Variants in TTF1 observed in about 807,000 individuals in gnomAD.
The protein encoded by TTF1 is transcription termination factor, RNA polymerase I.
A neutral mutation model predicts 80.2 loss-of-function variants in TTF1; 64 were observed. The observed-to-expected ratio is 0.80, with a 90% CI of 0.65 to 0.98. The LOEUF (loss-of-function observed/expected upper bound fraction) is 0.98. TTF1 is among the 50% of genes least tolerant of loss of function. The probability of loss-of-function intolerance (pLI) is 0.00; values close to 1 mark genes in which losing one functional copy is unlikely to be tolerated. For missense variants in TTF1, 1,023 were observed against 1,086.2 expected, an observed-to-expected ratio of 0.94 and a Z score of 0.82; for synonymous variants, 372 against 382.7, an observed-to-expected ratio of 0.97 and a Z score of 0.33.
At chr9:132,383,132 C>T (rs1849400191) in intron 9 of TTF1, among the ~76,000 whole-genome samples, 1 of 151,242 alleles carries the variant, frequency 6.6e-6, no homozygotes, top group Non-Finnish European at 1.5e-5. Context: ...CCTCTAATTC[C>T]AGCTATTTAG....
intron 3 of TTF1, among the ~76,000 whole-genome samples, chr9:132,399,394 ACTCCT>A (rs1347778238): frequency 6.6e-6 from 1 of 151,724 alleles, no homozygotes; most frequent in Non-Finnish European, 1.5e-5. Context: ...GAAGGTTATG[ACTCCT>A]CTTTTTACTT....
At chr9:132,389,425 C>T (rs576944584) in intron 7 of TTF1, among the ~76,000 whole-genome samples, 1 of 152,166 alleles carries the variant, frequency 6.6e-6, no homozygotes, top group Non-Finnish European at 1.5e-5. Flanking sequence ...TTGTAATCCA[C>T]CTGCCTCAGC....
intron 1 of TTF1, among the ~76,000 whole-genome samples, chr9:132,405,186 AT>A (rs1433820069): frequency 6.7e-6 from 1 of 149,018 alleles, no homozygotes; most frequent in East Asian, 2.0e-4. Context: ...CCACTGGCTG[AT>A]TTCTTTTCTT....
chr9:132,376,624 G>A (rs1158633139), intron 10 of TTF1, among the ~76,000 whole-genome samples: 1 of 151,724 alleles, frequency 6.6e-6, no homozygotes, highest in African/African-American at 2.4e-5. Flanking sequence ...ACTAGGAATT[G>A]GTACGTAGGT....
chr9:132,378,091 G>GGTGC (rs1849267785), intron 10 of TTF1, among the ~76,000 whole-genome samples: 2 of 106,456 alleles, frequency 1.9e-5, no homozygotes, highest in Non-Finnish European at 1.9e-5. Context: ...GAGTGCATGT[G>GGTGC]GTGTGAGTGC....
At chr9:132,404,826 T>C (rs1396113803) in intron 1 of TTF1, among the ~76,000 whole-genome samples, 1 of 152,192 alleles carries the variant, frequency 6.6e-6, no homozygotes, top group Non-Finnish European at 1.5e-5. Context: ...CAGACACTTT[T>C]CAGGCCCATC....
chr9:132,406,441 A>C (rs1849868814), intron 1 of TTF1, among the ~76,000 whole-genome samples: 1 of 152,032 alleles, frequency 6.6e-6, no homozygotes, highest in Admixed American at 6.6e-5. Context: ...GTCTCTACTA[A>C]AAATACAAAA....
At chr9:132,377,441 ATGCATGTGGTGTGTGTGAG>A (rs1564181077) in intron 10 of TTF1, among the ~76,000 whole-genome samples, 23 of 60,608 alleles carry the variant, frequency 3.8e-4, no homozygotes, top group African/African-American at 1.5e-3. Flanking sequence ...GTGTGAGTGC[ATGCATGTGGTGTGTGTGAG>A]TGCATGTGGT....
At chr9:132,381,615 C>T (rs2131623846) in intron 9 of TTF1, among the ~76,000 whole-genome samples, 1 of 152,310 alleles carries the variant, frequency 6.6e-6, no homozygotes, top group South Asian at 2.1e-4. Flanking sequence ...TGGCACCCTC[C>T]CTGCTTGGGG....
intron 9 of TTF1, among the ~76,000 whole-genome samples, chr9:132,381,902 G>A (rs1192626654): frequency 2.0e-5 from 3 of 152,216 alleles, no homozygotes; most frequent in African/African-American, 2.4e-5. Context: ...GACCAATGGC[G>A]ACCTCACACC....
At chr9:132,388,623 G>A (rs1375099837) in intron 7 of TTF1, among the ~76,000 whole-genome samples, 1 of 152,182 alleles carries the variant, frequency 6.6e-6, no homozygotes, top group East Asian at 1.9e-4. Context: ...TTACAGACAT[G>A]AGCCACAGTA....
intron 9 of TTF1, among the ~76,000 whole-genome samples, chr9:132,381,197 A>AT (rs1185241585): frequency 0.012 from 1,739 of 145,198 alleles, 19 homozygotes; most frequent in African/African-American, 0.029. Flanking sequence ...GAAAAGCTGA[A>AT]TTTTTTTTTT....
At position 132,400,143 on chromosome 9, in the gene TTF1, C is replaced by T. The variant is rs145243204; in HGVS notation, c.1483G>A (p.Val495Met). The T allele has an allele frequency of 1.1e-5, 17 of 1,614,014 alleles. No individual in the cohort carries two copies. The highest frequency in any genetic ancestry group is 4.0e-5 in the African/African-American group (3 of 74,904). The change falls in exon 3 of 11, where the codon GTG (valine) becomes ATG (methionine). Residue 495 changes from valine (V) to methionine (M), a missense_variant. Coordinates refer to ENST00000334270, the MANE Select transcript of TTF1 (RefSeq NM_007344.4). ...GGAATGAACTCCTGAAGCTGTTTCA[C>T]GGCAGAACCCAAATCCGCATCTGAA... ...DDSDADLGSAVKQLQEFIPNI... is the reference protein window; with the variant it reads ...DDSDADLGSAMKQLQEFIPNI...
chr9:132,382,010 A>C (rs561191474), intron 9 of TTF1, among the ~76,000 whole-genome samples: 1 of 152,206 alleles, frequency 6.6e-6, no homozygotes, highest in South Asian at 2.1e-4. Context: ...ACATCCCTGC[A>C]TCTGAAAGTC....
intron 7 of TTF1, among the ~76,000 whole-genome samples, chr9:132,389,731 C>T (rs1046443558): frequency 9.9e-5 from 15 of 152,124 alleles, no homozygotes; most frequent in East Asian, 1.9e-4. Context: ...TTGAGGAGTT[C>T]GCTGCAGCTG....
intron 9 of TTF1, among the ~76,000 whole-genome samples, chr9:132,383,253 A>G (rs78132249): frequency 2.2e-5 from 1 of 45,308 alleles, no homozygotes; most frequent in Admixed American, 2.0e-4. Flanking sequence ...TTGTCTTCAA[A>G]AAAAAAAAAA....
rs1589819791 is a variant in TTF1 at position 132,388,336 on chromosome 9, ACTTTT to A, written c.2223-113_2223-109del. ...TGCTCTCATTCAGAACCAACTTCTA[ACTTTT>A]CTTTTTTTTTTTTGAGACGGGGTCT... On this transcript the variant is annotated intron_variant, in intron 7 of 10. Transcript: ENST00000334270. The A allele has an allele frequency of 5.5e-6, 4 of 721,274 alleles. No homozygotes were observed. The East Asian group carries it at 9.5e-5, about 17-fold the overall frequency. The allele number at this position is 721,274 out of a possible 1,614,324, so 44.7% of individuals were successfully genotyped here. A position where few individuals can be genotyped will look rare whatever the true frequency, so the allele number is the denominator to read the frequency against.
rs1472572531 is a variant in TTF1, at chr9:132,377,955, T to C, written c.2464+1104A>G. 2.3e-5 allele frequency among the ~76,000 whole-genome samples: 3 copies of C among 128,944 alleles called. No homozygotes were observed. The East Asian group carries it at 7.5e-4, about 32-fold the overall frequency. 84.6% of individuals were successfully genotyped at this position (128,944 alleles called of 152,430 possible). On this transcript the variant is annotated intron_variant, in intron 10 of 10. Coordinates refer to ENST00000334270, the MANE Select transcript of TTF1 (RefSeq NM_007344.4). ...TGCGTGTGAATGCATGTGGTGTGAG[T>C]GCATGTGGTGTGTGTGAGTGCATGC...
chr9:132,388,264 A>G, intron 7 of TTF1, 36 bp from the exon 8 acceptor site: 1 of 1,469,150 alleles, frequency 6.8e-7, no homozygotes, highest in Admixed American at 1.8e-5. Flanking sequence ...GTTTACTTTC[A>G]AGGGTAGAGT....
Sources: gnomAD v4.1 joint callset for allele counts (sites outside exome capture counted in the v4.1 genomes callset) on GRCh38, gnomAD v4.1.1 for gene constraint, MANE v1.5 for transcripts, NCBI Gene and HGNC (gene_info 2026-07-23, HGNC 2026-07-21) for gene names.